The following PARVB variants were observed in gnomAD, a reference collection of about 807,000 sequenced individuals.
PARVB encodes beta-parvin.
Under a neutral mutation model 47.0 loss-of-function variants are expected in PARVB, and 46 were observed. The ratio of observed to expected loss-of-function variants is 0.98; its 90% CI spans 0.77 to 1.25. PARVB has a LOEUF of 1.25. Among genes scored for constraint, PARVB ranks in the 50% most tolerant of loss-of-function variants. The pLI, the probability that PARVB is intolerant of heterozygous loss-of-function variation, is 0.00. For missense variants in PARVB, 473 were observed against 471.6 expected, an observed-to-expected ratio of 1.00 and a Z score of -0.03; for synonymous variants, 196 against 196.3, an observed-to-expected ratio of 1.00 and a Z score of 0.01.
chr22:44,048,644 C>T (rs996896149), intron 1 of PARVB, among the ~76,000 whole-genome samples: 3 of 152,186 alleles, frequency 2.0e-5, no homozygotes, highest in African/African-American at 7.2e-5. Context: ...TCACTGTAAC[C>T]TCCGCCTCCA....
chr22:44,039,807 G>GATTTC (rs1555894899), intron 1 of PARVB: 3 of 453,172 alleles, frequency 6.6e-6, no homozygotes, highest in Admixed American at 4.7e-5. Context: ...CACACTGTGT[G>GATTTC]ATTTCATTTC....
chr22:44,115,837 A>G (rs2052880073), intron 3 of PARVB: 1 of 146,816 alleles, frequency 6.8e-6, no homozygotes, highest in African/African-American at 2.6e-5. Context: ...CCTACACCAG[A>G]ATGGATACAT....
chr22:44,043,500 C>T (rs2051057861), intron 1 of PARVB, among the ~76,000 whole-genome samples: 1 of 152,108 alleles, frequency 6.6e-6, no homozygotes, highest in African/African-American at 2.4e-5. Context: ...TCCTTGGCCA[C>T]CCGAGTAGCT....
chr22:44,151,646 A>T, intron 10 of PARVB, 95 bp downstream of exon 10: 1 of 957,964 alleles, frequency 1.0e-6, no homozygotes, highest in Admixed American at 1.8e-5. Context: ...AGCTGGCGCC[A>T]TTTTGTTCAT....
At chr22:44,137,948 G>A (rs1185945672) in intron 7 of PARVB, among the ~76,000 whole-genome samples, 3 of 152,112 alleles carry the variant, frequency 2.0e-5, no homozygotes, top group Non-Finnish European at 2.9e-5. Flanking sequence ...TTGGGTGGTG[G>A]GCATGCTGTG....
chr22:44,099,331 C>T lies in PARVB; in HGVS notation c.203-722C>T, dbSNP rs16991465. On this transcript the variant is annotated intron_variant, in intron 2 of 12. Coordinates refer to ENST00000338758, the MANE Select transcript of PARVB (RefSeq NM_013327.5). The stretch of plus-strand genomic sequence containing the variant: ...TGCTGGGCATTTCTGCTGTGGAGCA[C>T]GCCTAGCCTTGGTGGGTGCCCCCTC... Among the ~76,000 whole-genome samples the T allele has an allele frequency of 8.9e-3, 1,348 of 152,266 alleles. 42 individuals are homozygous for T. The East Asian group carries it at 0.12, about 13-fold the overall frequency.
intron 4 of PARVB, among the ~76,000 whole-genome samples, chr22:44,126,082 G>A (rs2053179758): frequency 6.6e-6 from 1 of 152,140 alleles, no homozygotes; most frequent in Admixed American, 6.5e-5. Flanking sequence ...TGCCCTTTTG[G>A]AGGTGATGCT....
intron 6 of PARVB, among the ~76,000 whole-genome samples, chr22:44,135,678 C>A (rs926438320): frequency 6.6e-6 from 1 of 152,202 alleles, no homozygotes; most frequent in Admixed American, 6.5e-5. Flanking sequence ...GACATTTATT[C>A]TCTCGCAATT....
rs137968060 is a variant in PARVB at position 44,041,470 on chromosome 22, T to C, written c.112+17019T>C. On this transcript the variant is annotated intron_variant, in intron 1 of 12. Transcript: ENST00000338758. ...TTGTGCCACTGCACTCCGGCCAGGG[T>C]GACAGAGCAAGACTCCCTCTCAAAA... is the stretch of plus-strand genomic sequence containing the variant. 3.1e-4 allele frequency among the ~76,000 whole-genome samples: 47 copies of C among 152,008 alleles called. 1 individual carries two copies. Among genetic ancestry groups the C allele is most frequent in the South Asian group, 1.0e-3 (5 of 4,818 alleles).
chr22:44,088,441 A>G (rs2052084352), intron 1 of PARVB, among the ~76,000 whole-genome samples: 1 of 151,868 alleles, frequency 6.6e-6, no homozygotes, highest in Non-Finnish European at 1.5e-5. Flanking sequence ...AGGACCAGCC[A>G]CTCCCTCACA....
intron 1 of PARVB, among the ~76,000 whole-genome samples, chr22:44,054,990 C>CAAAAAA (rs3083343): frequency 1.4e-5 from 1 of 70,118 alleles, no homozygotes; most frequent in African/African-American, 6.0e-5. Flanking sequence ...AACTCCATCT[C>CAAAAAA]AAAAAAAAAA....
intron 4 of PARVB, among the ~76,000 whole-genome samples, chr22:44,120,622 A>G (rs1285483385): frequency 6.6e-6 from 1 of 152,146 alleles, no homozygotes; most frequent in East Asian, 1.9e-4. Context: ...GCAGTGGCCT[A>G]TGGGTTTCTC....
chr22:44,080,428 G>A (rs1026759132), intron 1 of PARVB, among the ~76,000 whole-genome samples: 13 of 152,122 alleles, frequency 8.5e-5, no homozygotes, highest in Non-Finnish European at 1.8e-4. Flanking sequence ...TTAGTGCCTG[G>A]CCTCTTCCTC....
intron 1 of PARVB, among the ~76,000 whole-genome samples, chr22:44,028,274 G>A (rs973877857): frequency 3.3e-5 from 5 of 151,522 alleles, no homozygotes; most frequent in South Asian, 4.2e-4. Flanking sequence ...GCATCCCTCC[G>A]TTTCCCCAAA....
At chr22:44,108,964 T>A (rs112224929) in intron 3 of PARVB, 1 of 152,058 alleles carries the variant, frequency 6.6e-6, no homozygotes, top group Non-Finnish European at 1.5e-5. Flanking sequence ...CCTAAGCAGA[T>A]TGGTTGAAAG....
At chr22:44,150,482 A>G (rs950219043) in intron 9 of PARVB, 1 of 151,056 alleles carries the variant, frequency 6.6e-6, no homozygotes, top group African/African-American at 2.4e-5. Context: ...GACCAGCCTG[A>G]TCAGCATGGG....
intron 4 of PARVB, among the ~76,000 whole-genome samples, chr22:44,120,854 C>G (rs6006663): frequency 1.4e-5 from 2 of 142,230 alleles, no homozygotes; most frequent in Admixed American, 1.4e-4. Flanking sequence ...TTTTTTTTTT[C>G]TTTTTTTGAA....
intron 1 of PARVB, among the ~76,000 whole-genome samples, chr22:44,064,779 G>A (rs78082888): frequency 0.021 from 3,140 of 152,296 alleles, 122 homozygotes; most frequent in African/African-American, 0.071. Context: ...ACTTGAGCCC[G>A]GGAGGTGGAG....
chr22:44,012,862 TGAAA>T (rs1342168508), intron 2 of PARVB, among the ~76,000 whole-genome samples: 1 of 151,560 alleles, frequency 6.6e-6, no homozygotes, highest in Non-Finnish European at 1.5e-5. Flanking sequence ...TAAAGAGAAG[TGAAA>T]GAAAGCTGAC....
Sources: allele counts gnomAD v4.1 joint callset (sites outside exome capture counted in the v4.1 genomes callset), GRCh38; gene constraint gnomAD v4.1.1; transcripts MANE v1.5; gene names NCBI Gene and HGNC (gene_info 2026-07-23, HGNC 2026-07-21).